The following COX18 variants were observed in gnomAD, a reference collection of about 807,000 sequenced individuals.
The protein encoded by COX18 is cytochrome c oxidase assembly factor COX18.
A neutral mutation model predicts 38.0 loss-of-function variants in COX18; 45 were observed. The observed-to-expected ratio is 1.18, with a 90% CI of 0.93 to 1.52. The LOEUF (loss-of-function observed/expected upper bound fraction) is 1.52. COX18 is among the 40% of genes most tolerant of loss of function. COX18 has a pLI of 0.00. For missense variants in COX18, 462 were observed against 423.8 expected, an observed-to-expected ratio of 1.09 and a Z score of -0.79; for synonymous variants, 177 against 169.8, an observed-to-expected ratio of 1.04 and a Z score of -0.33.
intron 4 of COX18, among the ~76,000 whole-genome samples, chr4:73,063,428 T>C (rs1720279074): frequency 6.6e-6 from 1 of 152,232 alleles, no homozygotes; most frequent in South Asian, 2.1e-4. Flanking sequence ...TTTCTCTCTG[T>C]CGCCCAGGCT....
chr4:73,069,691 C>T lies in COX18; in HGVS notation c.-42G>A, dbSNP rs1452876384. The T allele has an allele frequency of 2.6e-6, 4 of 1,524,918 alleles. No individual in the cohort carries two copies. The highest frequency in any genetic ancestry group is 1.7e-4 in the Middle Eastern group (1 of 5,994). The allele number at this position is 1,524,918 out of a possible 1,614,324, so 94.5% of individuals were successfully genotyped here. ...AGCCCAGATCCCGGGCCTCACAATC[C>T]AGCGGACATACACCGGCCAGCCAAG... On this transcript the variant is annotated 5_prime_UTR_variant, in exon 1 of 6. Transcript: ENST00000507544.
rs1373491982 is a variant in COX18, at chr4:73,056,301, T to C, written c.*1813A>G. 1.3e-5 allele frequency: 2 copies of C among 152,228 alleles called. No individual in the cohort carries two copies. Among genetic ancestry groups the C allele is most frequent in the African/African-American group, 4.8e-5 (2 of 41,460 alleles). The allele number at this position is 152,228 out of a possible 1,614,324, so 9.4% of individuals were successfully genotyped here. A position where few individuals can be genotyped will look rare whatever the true frequency, so the allele number is the denominator to read the frequency against. ...TTATAATACCTGTCAATTTTTTCTG[T>C]ATTAAACCTCTATCATAGTTTAAGC... On this transcript the variant is annotated 3_prime_UTR_variant, in exon 6 of 6. Coordinates refer to ENST00000507544, the MANE Select transcript of COX18 (RefSeq NM_001297732.2).
At chr4:73,069,720 G>C, upstream of COX18, 4 of 1,424,688 alleles carry the variant, frequency 2.8e-6, no homozygotes, top group Non-Finnish European at 2.9e-6. Flanking sequence ...AGCCAAGGCT[G>C]ATACGCGCAC....
chr4:73,066,062 T>G (rs1374537606), intron 2 of COX18, among the ~76,000 whole-genome samples: 1 of 152,222 alleles, frequency 6.6e-6, no homozygotes, highest in East Asian at 1.9e-4. Flanking sequence ...TTTATTCATC[T>G]TTAAATCTCC....
rs756431473 is a variant in COX18, at chr4:73,069,287, A to C, written c.333+30T>G. The C allele has an allele frequency of 5.5e-6, 8 of 1,445,420 alleles. No homozygotes were observed. The Admixed American group carries it at 2.1e-4, about 38-fold the overall frequency. The allele number at this position is 1,445,420 out of a possible 1,614,324, so 89.5% of individuals were successfully genotyped here. A position where few individuals can be genotyped will look rare whatever the true frequency, so the allele number is the denominator to read the frequency against. ...TCCTCCGCCGCAGGGGTTGCAGCGC[A>C]GGGTACGCGCACGGCTCGGCGCCCC... is the stretch of plus-strand genomic sequence containing the variant. On this transcript the variant is annotated intron_variant, in intron 1 of 5. Coordinates refer to ENST00000507544, the MANE Select transcript of COX18 (RefSeq NM_001297732.2).
chr4:73,069,727 G>T, upstream of COX18: 2 of 1,356,720 alleles, frequency 1.5e-6, no homozygotes, highest in African/African-American at 1.4e-5. Flanking sequence ...GCTGATACGC[G>T]CACGCGCCAG....
Position 73,064,907 on chromosome 4 carries a change from A to C in COX18, c.599-5T>G, listed in dbSNP as rs753426660. ...GTTCCTGAACAGAAAAACCTGCTAA[A>C]ACAGTTTTATAAATAAAACAATAGA... On this transcript the variant is annotated splice_polypyrimidine_tract_variant and splice_region_variant and intron_variant, in intron 3 of 5. Coordinates refer to ENST00000507544, the MANE Select transcript of COX18 (RefSeq NM_001297732.2). The C allele has an allele frequency of 6.2e-6, 10 of 1,612,826 alleles. No homozygotes were observed. The highest frequency in any genetic ancestry group is 3.3e-4 in the Middle Eastern group (2 of 6,078).
chr4:73,059,461 T>G (rs1387872470), intron 5 of COX18, among the ~76,000 whole-genome samples: 1 of 152,188 alleles, frequency 6.6e-6, no homozygotes, highest in African/African-American at 2.4e-5. Flanking sequence ...ATTCAGCACT[T>G]ACATTTGTTA....
At chr4:73,063,693 T>C (rs1720293854) in intron 4 of COX18, among the ~76,000 whole-genome samples, 1 of 152,252 alleles carries the variant, frequency 6.6e-6, no homozygotes, top group Non-Finnish European at 1.5e-5. Flanking sequence ...GGGACTGTGC[T>C]AGTGCTCTTA....
rs532388917 is a variant in COX18 at position 73,054,183 on chromosome 4, T to G, written c.*3931A>C. 2 of 152,322 alleles carry G rather than the reference T, an allele frequency of 1.3e-5. No individual in the cohort carries two copies. Among genetic ancestry groups the G allele is most frequent in the Admixed American group, 1.3e-4 (2 of 15,292 alleles). 9.4% of individuals were successfully genotyped at this position (152,322 alleles called of 1,614,324 possible). Reference sequence around the variant, plus strand: ...GGGCCCAGCGCAGAGCCTCAGCAACTGAGGGGATATAGGCAAGCCAGACAG... The same window carrying G: ...GGGCCCAGCGCAGAGCCTCAGCAACGGAGGGGATATAGGCAAGCCAGACAG... On this transcript the variant is annotated 3_prime_UTR_variant, in exon 6 of 6. Coordinates refer to ENST00000507544, the MANE Select transcript of COX18 (RefSeq NM_001297732.2).
In COX18 at chr4:73,052,707, A is replaced by G. The variant is rs993054811; in HGVS notation, c.*5407T>C. 6.6e-6 allele frequency: 1 copy of G among 152,212 alleles called. No individual in the cohort carries two copies. Among genetic ancestry groups the G allele is most frequent in the African/African-American group, 2.4e-5 (1 of 41,444 alleles). 9.4% of individuals were successfully genotyped at this position (152,212 alleles called of 1,614,324 possible). ...GGCACAGTGTTTATAATGATAATGC[A>G]TTGTTTTACACCATATTTACATGAA... is the stretch of plus-strand genomic sequence containing the variant. On this transcript the variant is annotated 3_prime_UTR_variant, in exon 6 of 6. Coordinates refer to ENST00000507544, the MANE Select transcript of COX18 (RefSeq NM_001297732.2).
rs1719852953 is a variant in COX18 at position 73,055,452 on chromosome 4, C to T, written c.*2662G>A. 1 of 152,216 alleles carries T rather than the reference C, an allele frequency of 6.6e-6. No homozygotes were observed. Among genetic ancestry groups the T allele is most frequent in the Non-Finnish European group, 1.5e-5 (1 of 68,046 alleles). 9.4% of individuals were successfully genotyped at this position (152,216 alleles called of 1,614,324 possible). On this transcript the variant is annotated 3_prime_UTR_variant, in exon 6 of 6. Transcript: ENST00000507544. ...ATTGTTGATTCAGTAACACTGAACTCTCTGCCAACAGCATTATAACTTGTG... is the reference window on the plus strand; with the variant it reads ...ATTGTTGATTCAGTAACACTGAACTTTCTGCCAACAGCATTATAACTTGTG...
intron 5 of COX18, among the ~76,000 whole-genome samples, chr4:73,059,701 G>A (rs1376804792): frequency 2.0e-5 from 3 of 152,080 alleles, no homozygotes; most frequent in Non-Finnish European, 2.9e-5. Context: ...ACAATTACAT[G>A]GGGTAAAATA....
intron 1 of COX18, chr4:73,068,749 T>C (rs1253670086): frequency 6.5e-6 from 1 of 153,084 alleles, no homozygotes; most frequent in African/African-American, 2.4e-5. Context: ...CTGATAACGC[T>C]GTGAAGTAGG....
At chr4:73,062,048 C>T (rs1419248282) in intron 4 of COX18, 128 bp from the exon 5 acceptor site, 3 of 574,716 alleles carry the variant, frequency 5.2e-6, no homozygotes, top group Non-Finnish European at 9.2e-6. Flanking sequence ...TATATATACA[C>T]ACAAAACACT....
rs370363953 is a variant in COX18 at position 73,069,514 on chromosome 4, C to T, written c.136G>A (p.Val46Ile). 5.0e-6 allele frequency: 8 copies of T among 1,586,696 alleles called. No individual in the cohort carries two copies. Among genetic ancestry groups the T allele is most frequent in the African/African-American group, 1.3e-5 (1 of 74,552 alleles). ...PTLPVWAVAP[V>I]SAVHANGWYE... ...CAGCCGTTCGCATGTACTGCAGAGA[C>T]TGGTGCCACTGCCCACACTGGGAGA... The change falls in exon 1 of 6, where the codon GTC (valine) becomes ATC (isoleucine). Residue 46 changes from valine (V) to isoleucine (I), a missense_variant. Transcript: ENST00000507544.
At chr4:73,064,500 C>T (rs1720330824) in intron 4 of COX18, among the ~76,000 whole-genome samples, 1 of 152,148 alleles carries the variant, frequency 6.6e-6, no homozygotes, top group African/African-American at 2.4e-5. Flanking sequence ...TTGCCAAAAG[C>T]AAGTCACAAA....
At chr4:73,061,944 G>A (rs754820925) in intron 4 of COX18, 24 bp from the exon 5 acceptor site, 8 of 1,196,546 alleles carry the variant, frequency 6.7e-6, no homozygotes, top group Non-Finnish European at 7.4e-6. Flanking sequence ...ACATATACAT[G>A]CATAATGATT....
rs1364726976 is a variant in COX18 at position 73,062,893 on chromosome 4, G to A, written c.724-973C>T. On this transcript the variant is annotated intron_variant, in intron 4 of 5. Transcript: ENST00000507544. ...ACTTCTCCATAATTATGACTCTAGA[G>A]CCAAACTACGTAGTTTTACATTTTT... 4.0e-5 allele frequency among the ~76,000 whole-genome samples: 6 copies of A among 151,388 alleles called. 1 individual carries two copies. The highest frequency in any genetic ancestry group is 3.9e-4 in the Admixed American group (6 of 15,198).
Sources: allele counts gnomAD v4.1 joint callset (sites outside exome capture counted in the v4.1 genomes callset), GRCh38; gene constraint gnomAD v4.1.1; transcripts MANE v1.5; gene names NCBI Gene and HGNC (gene_info 2026-07-23, HGNC 2026-07-21).